Variants in TRIO observed in about 807,000 individuals in gnomAD.
TRIO encodes the protein trio Rho guanine nucleotide exchange factor.
TRIO carries 58 observed loss-of-function variants against 351.9 expected under a neutral mutation model. The ratio of observed to expected loss-of-function variants is 0.16; its 90% CI spans 0.13 to 0.21. The LOEUF (loss-of-function observed/expected upper bound fraction) is 0.21, where lower values mean the gene tolerates loss of function less well. Among genes scored for constraint, TRIO ranks in the 10% least tolerant of loss-of-function variants. The probability of loss-of-function intolerance (pLI) is 1.00; values close to 1 mark genes in which losing one functional copy is unlikely to be tolerated. For missense variants in TRIO, 3,201 were observed against 4,027.8 expected (o/e 0.79, Z 5.56); for synonymous variants, 1,758 against 1,595.7 (o/e 1.10, Z -2.42).
At chr5:14,334,440 C>T (rs1271251829) in intron 10 of TRIO, among the ~76,000 whole-genome samples, 1 of 152,162 alleles carries the variant, frequency 6.6e-6, no homozygotes, top group Non-Finnish European at 1.5e-5. Flanking sequence ...GCACTTGTTT[C>T]TTTGGGACAT....
chr5:14,239,891 G>T (rs1185925674), intron 1 of TRIO, among the ~76,000 whole-genome samples: 5 of 152,208 alleles, frequency 3.3e-5, no homozygotes, highest in Non-Finnish European at 7.3e-5. Flanking sequence ...TTTAACGAAG[G>T]ATGCTTTTCA....
In TRIO at chr5:14,498,537, G is replaced by A. The variant is rs754140613; in HGVS notation, c.8229G>A (p.Thr2743=). The A allele has an allele frequency of 3.7e-6, 6 of 1,614,016 alleles. No individual in the cohort carries two copies. The highest frequency in any genetic ancestry group is 1.3e-5 in the African/African-American group (1 of 74,950). The part of the protein sequence containing the change: ...SISYSDLGEA[T]LKIVGVTTED... Reference sequence around the variant, plus strand: ...GCCGCAGTGACCTGGGAGAGGCCACGCTGAAGATTGTGGGCGTGACCACGG... The same window carrying A: ...GCCGCAGTGACCTGGGAGAGGCCACACTGAAGATTGTGGGCGTGACCACGG... The change falls in exon 53 of 57, where the codon ACG becomes ACA. Residue 2743 remains threonine (T), a synonymous_variant. Coordinates refer to ENST00000344204, the MANE Select transcript of TRIO (RefSeq NM_007118.4).
intron 9 of TRIO, among the ~76,000 whole-genome samples, chr5:14,321,293 A>T (rs538263455): frequency 4.7e-4 from 72 of 152,336 alleles, no homozygotes; most frequent in African/African-American, 1.6e-3. Flanking sequence ...CCTAGTGTGG[A>T]TGGAGAGGTA....
Position 14,485,177 on chromosome 5 carries a change from C to A in TRIO, c.6766C>A (p.Pro2256Thr). 6.3e-7 allele frequency: 1 copy of A among 1,590,728 alleles called. No individual in the cohort carries two copies. The change falls in exon 47 of 57, where the codon CCA (proline) becomes ACA (threonine). Residue 2256 changes from proline (P) to threonine (T), a missense_variant. This residue lies in a region of TRIO where 1,089 missense variants were observed against 954.9 expected (regional missense o/e 1.14). Coordinates refer to ENST00000344204, the MANE Select transcript of TRIO (RefSeq NM_007118.4). ...GACCTTCATTTTGCATTCATCTAGT[C>A]CAAGTGTCCGGCAAACTTGGATCCA... is the stretch of plus-strand genomic sequence containing the variant. The part of the protein sequence containing the change: ...VETFILHSSS[P>T]SVRQTWIHEI...
At chr5:14,272,930 AT>A (rs1413519668) in intron 2 of TRIO, among the ~76,000 whole-genome samples, 3 of 152,144 alleles carry the variant, frequency 2.0e-5, no homozygotes, top group Middle Eastern at 3.2e-3. Flanking sequence ...TCTCTAACTC[AT>A]TTTTTTGTTT....
At chr5:14,450,918 A>G (rs1752807731) in intron 34 of TRIO, among the ~76,000 whole-genome samples, 1 of 152,248 alleles carries the variant, frequency 6.6e-6, no homozygotes, top group African/African-American at 2.4e-5. Context: ...ATTAAGACTC[A>G]CTAGTACTCA....
chr5:14,504,950 G>C (rs1757558595), intron 55 of TRIO, among the ~76,000 whole-genome samples: 1 of 151,732 alleles, frequency 6.6e-6, no homozygotes, highest in South Asian at 2.1e-4. Flanking sequence ...AGGCTGACCT[G>C]ATACCCCAAG....
chr5:14,379,715 T>C (rs1483401791), intron 20 of TRIO, among the ~76,000 whole-genome samples: 1 of 152,186 alleles, frequency 6.6e-6, no homozygotes, highest in Non-Finnish European at 1.5e-5. Context: ...AAAAGCAAAA[T>C]TGTACATAAT....
intron 1 of TRIO, among the ~76,000 whole-genome samples, chr5:14,260,979 A>G (rs1244229230): frequency 6.6e-6 from 1 of 152,144 alleles, no homozygotes; most frequent in Non-Finnish European, 1.5e-5. Context: ...CTGGATGAGG[A>G]TTGCGGCTTC....
rs137883994 is a variant in TRIO, at chr5:14,332,984, G to A, written c.1854+2084G>A. On this transcript the variant is annotated intron_variant, in intron 10 of 56. Coordinates refer to ENST00000344204, the MANE Select transcript of TRIO (RefSeq NM_007118.4). Reference sequence around the variant, plus strand: ...GCCACTAGAAGCCAAATGCGCCTGCGACTTTGCCCTTCCTGCAGTCTTCAG... The same window carrying A: ...GCCACTAGAAGCCAAATGCGCCTGCAACTTTGCCCTTCCTGCAGTCTTCAG... Among the ~76,000 whole-genome samples, 936 of 152,234 alleles carry A rather than the reference G, an allele frequency of 6.1e-3. 12 individuals carry two copies. The highest frequency in any genetic ancestry group is 0.021 in the African/African-American group (863 of 41,518).
intron 19 of TRIO, among the ~76,000 whole-genome samples, chr5:14,375,305 G>A (rs746201867): frequency 2.6e-5 from 4 of 152,176 alleles, no homozygotes; most frequent in Non-Finnish European, 5.9e-5. Context: ...CTCATTTCCT[G>A]TAGAAATAAG....
chr5:14,321,756 A>G (rs1408625758), intron 9 of TRIO, among the ~76,000 whole-genome samples: 1 of 152,152 alleles, frequency 6.6e-6, no homozygotes, highest in East Asian at 1.9e-4. Flanking sequence ...CCCACTTGTC[A>G]TGGGAGGGAC....
intron 11 of TRIO, among the ~76,000 whole-genome samples, chr5:14,353,308 G>A (rs1456378129): frequency 6.8e-6 from 1 of 146,188 alleles, no homozygotes; most frequent in East Asian, 2.0e-4. Context: ...GAGTCGCCCA[G>A]GCTGGAGTGC....
Position 14,509,577 on chromosome 5 carries a change from C to T in TRIO, c.*1155C>T. ...AGAATGCCAAAGTATTATTTTTTTT[C>T]CCAAAATCAGTCTGGACATTTACTA... On this transcript the variant is annotated 3_prime_UTR_variant, in exon 57 of 57. Transcript: ENST00000344204. The T allele has an allele frequency of 3.3e-6, 1 of 301,356 alleles. No homozygotes were observed. The highest frequency in any genetic ancestry group is 2.3e-5 in the African/African-American group (1 of 43,606). 18.7% of individuals were successfully genotyped at this position (301,356 alleles called of 1,614,324 possible). A position where few individuals can be genotyped will look rare whatever the true frequency, so the allele number is the denominator to read the frequency against.
intron 7 of TRIO, among the ~76,000 whole-genome samples, chr5:14,300,314 G>C (rs1737767046): frequency 6.6e-6 from 1 of 152,218 alleles, no homozygotes; most frequent in South Asian, 2.1e-4. Context: ...TGCCCATTGT[G>C]ATGGCCTGTC....
intron 11 of TRIO, among the ~76,000 whole-genome samples, chr5:14,344,703 C>G (rs1380549874): frequency 6.6e-6 from 1 of 152,184 alleles, no homozygotes; most frequent in Non-Finnish European, 1.5e-5. Context: ...AATGTTGTCT[C>G]TACCTCATTA....
chr5:14,176,431 C>T (rs1308040546), intron 1 of TRIO, among the ~76,000 whole-genome samples: 1 of 152,112 alleles, frequency 6.6e-6, no homozygotes, highest in African/African-American at 2.4e-5. Context: ...GATCGCGCCA[C>T]CGCACCCCAG....
chr5:14,209,462 C>T (rs1791749408), intron 1 of TRIO, among the ~76,000 whole-genome samples: 1 of 152,194 alleles, frequency 6.6e-6, no homozygotes, highest in Non-Finnish European at 1.5e-5. Flanking sequence ...AGGCAAGTCC[C>T]AGTTACTAAT....
chr5:14,347,619 G>T (rs1003468500), intron 11 of TRIO, among the ~76,000 whole-genome samples: 1 of 152,236 alleles, frequency 6.6e-6, no homozygotes, highest in Admixed American at 6.5e-5. Context: ...CCAGCGTATA[G>T]CAAGGACAGG....
Sources: gnomAD v4.1 joint callset for allele counts (sites outside exome capture counted in the v4.1 genomes callset) on GRCh38, gnomAD v4.1.1 for gene constraint, gnomAD v4.1.1 regional missense constraint, MANE v1.5 for transcripts, NCBI Gene and HGNC (gene_info 2026-07-23, HGNC 2026-07-21) for gene names.